The following FBXO11 variants were observed in gnomAD, a reference collection of about 807,000 sequenced individuals.
FBXO11 encodes the protein F-box only protein 11.
FBXO11 carries 13 observed loss-of-function variants against 117.0 expected under a neutral mutation model. The ratio of observed to expected loss-of-function variants is 0.11; its 90% confidence interval spans 0.07 to 0.18. FBXO11 has a LOEUF of 0.18. Among genes scored for constraint, FBXO11 ranks in the 10% least tolerant of loss-of-function variants. FBXO11 has a pLI of 1.00. For missense variants in FBXO11, 767 were observed against 1,164.4 expected (o/e 0.66, Z 4.97); for synonymous variants, 490 against 380.5 (o/e 1.29, Z -3.35).
At chr2:47,885,087 A>T (rs1048668938) in intron 1 of FBXO11, among the ~76,000 whole-genome samples, 4 of 152,192 alleles carry the variant, frequency 2.6e-5, no homozygotes, top group African/African-American at 9.7e-5. Flanking sequence ...ATAAATATTA[A>T]CTGGTAATTC....
At chr2:47,862,450 CTTTT>C (rs1423927759) in intron 1 of FBXO11, among the ~76,000 whole-genome samples, 1 of 152,060 alleles carries the variant, frequency 6.6e-6, no homozygotes, top group East Asian at 1.9e-4. Flanking sequence ...GTGAGGCAAA[CTTTT>C]TATTTTTTAT....
intron 1 of FBXO11, among the ~76,000 whole-genome samples, chr2:47,867,141 A>G (rs74578002): frequency 0.021 from 3,240 of 152,258 alleles, 48 homozygotes; most frequent in Non-Finnish European, 0.034. Context: ...TCCTCTCTTT[A>G]TTGGTACAGT....
intron 19 of FBXO11, 102 bp downstream of exon 19, chr2:47,810,214 T>A (rs1670521418): frequency 1.4e-6 from 1 of 732,876 alleles, no homozygotes; most frequent in Admixed American, 3.2e-5. Context: ...TTCAGCACAC[T>A]TTGCACATTT....
chr2:47,879,986 T>A (rs141792184), intron 1 of FBXO11, among the ~76,000 whole-genome samples: 1 of 152,044 alleles, frequency 6.6e-6, no homozygotes, highest in East Asian at 1.9e-4. Flanking sequence ...ATTTTCTTTA[T>A]CCATTCAGAG....
chr2:47,816,336 T>C (rs753643262), intron 16 of FBXO11, among the ~76,000 whole-genome samples: 14 of 152,070 alleles, frequency 9.2e-5, no homozygotes, highest in Non-Finnish European at 1.3e-4. Context: ...CATGCCACCA[T>C]GCCTAGCTAA....
At chr2:47,813,079 C>G (rs1174847096) in intron 18 of FBXO11, 155 bp downstream of exon 18, 1 of 777,956 alleles carries the variant, frequency 1.3e-6, no homozygotes, top group Admixed American at 2.0e-5. Context: ...TCTCTTAACT[C>G]TAGGCACTAA....
At chr2:47,844,714 G>A (rs1479872243) in intron 1 of FBXO11, among the ~76,000 whole-genome samples, 1 of 152,024 alleles carries the variant, frequency 6.6e-6, no homozygotes, top group Non-Finnish European at 1.5e-5. Context: ...TGCAGTGGTG[G>A]GATCTCGACT....
intron 1 of FBXO11, among the ~76,000 whole-genome samples, chr2:47,846,256 T>C (rs930117968): frequency 6.6e-6 from 1 of 152,074 alleles, no homozygotes; most frequent in Non-Finnish European, 1.5e-5. Context: ...TCATCTGAGG[T>C]TGGGAGTTCT....
chr2:47,879,125 T>C (rs911863370), intron 1 of FBXO11, among the ~76,000 whole-genome samples: 10 of 152,188 alleles, frequency 6.6e-5, no homozygotes, highest in Non-Finnish European at 1.5e-4. Flanking sequence ...CCCCAGAATT[T>C]TGCCTTTTTC....
chr2:47,824,771 C>T (rs1021403453), intron 11 of FBXO11, among the ~76,000 whole-genome samples: 6 of 152,062 alleles, frequency 3.9e-5, no homozygotes, highest in Non-Finnish European at 8.8e-5. Context: ...CTTTGAATTT[C>T]TTAAATTTCC....
chr2:47,860,913 C>A (rs939968083), intron 1 of FBXO11, among the ~76,000 whole-genome samples: 1 of 143,678 alleles, frequency 7.0e-6, no homozygotes, highest in African/African-American at 2.6e-5. Flanking sequence ...ATGGCGCAAT[C>A]TCGGCTCACT....
At chr2:47,875,950 T>C (rs1328695095) in intron 1 of FBXO11, among the ~76,000 whole-genome samples, 1 of 152,120 alleles carries the variant, frequency 6.6e-6, no homozygotes, top group East Asian at 1.9e-4. Flanking sequence ...ATGTATAGAG[T>C]AGTACTAATC....
chr2:47,871,509 T>C (rs1408558778), intron 1 of FBXO11, among the ~76,000 whole-genome samples: 1 of 152,216 alleles, frequency 6.6e-6, no homozygotes, highest in African/African-American at 2.4e-5. Context: ...TTCTGGTTTT[T>C]CTTCCCCTCA....
At position 47,845,402 on chromosome 2, in the gene FBXO11, C is replaced by T. The variant is rs560388990; in HGVS notation, c.233-5633G>A. 2.6e-5 allele frequency among the ~76,000 whole-genome samples: 4 copies of T among 152,286 alleles called. No individual in the cohort carries two copies. The East Asian group carries it at 5.8e-4, about 22-fold the overall frequency. ...TAAAATCACTGTTTTGAACTCTGCG[C>T]TGAAGAATATGTGCTAATTTCTACA... On this transcript the variant is annotated intron_variant, in intron 1 of 22. Transcript: ENST00000403359.
Position 47,906,155 on chromosome 2 carries a change from G to A in FBXO11, c.-435C>T. ...TCTCCGGCAGCGGGGGGAGTGGGCGGGCGGGTGAGGAAGGGAGAAAAAGAG... is the reference window on the plus strand; with the variant it reads ...TCTCCGGCAGCGGGGGGAGTGGGCGAGCGGGTGAGGAAGGGAGAAAAAGAG... On this transcript the variant is annotated 5_prime_UTR_variant, in exon 1 of 23. Transcript: ENST00000403359. 1 of 205,680 alleles carries A rather than the reference G, an allele frequency of 4.9e-6. No individual in the cohort carries two copies. Among genetic ancestry groups the A allele is most frequent in the Non-Finnish European group, 9.9e-6 (1 of 100,784 alleles). The allele number at this position is 205,680 out of a possible 1,614,324, so 12.7% of individuals were successfully genotyped here. A position where few individuals can be genotyped will look rare whatever the true frequency, so the allele number is the denominator to read the frequency against.
At position 47,835,401 on chromosome 2, in the gene FBXO11, T is replaced by C. The variant is rs181871952; in HGVS notation, c.717+471A>G. Among the ~76,000 whole-genome samples the C allele has an allele frequency of 8.7e-4, 133 of 152,358 alleles. 1 individual carries two copies. Among genetic ancestry groups the C allele is most frequent in the African/African-American group, 3.0e-3 (123 of 41,590 alleles). On this transcript the variant is annotated intron_variant, in intron 5 of 22. Transcript: ENST00000403359. ...ATCACAACTGCTCTTAGGCTACTAA[T>C]GCTTACTGTACTAACTTATTAATGG...
chr2:47,838,405 G>A (rs755660810), intron 4 of FBXO11, among the ~76,000 whole-genome samples: 33 of 147,710 alleles, frequency 2.2e-4, no homozygotes, highest in Non-Finnish European at 4.1e-4. Context: ...TGTACATAAA[G>A]CAAAAAAAAC....
intron 1 of FBXO11, among the ~76,000 whole-genome samples, chr2:47,886,339 C>T (rs1676844144): frequency 1.3e-5 from 2 of 151,908 alleles, no homozygotes; most frequent in African/African-American, 4.8e-5. Flanking sequence ...ACTCCCGTCT[C>T]TACTAAAAAT....
chr2:47,883,051 T>C (rs2103918127), intron 1 of FBXO11, among the ~76,000 whole-genome samples: 1 of 152,308 alleles, frequency 6.6e-6, no homozygotes, highest in South Asian at 2.1e-4. Context: ...TCCTGCTTTG[T>C]AATCTTCTCT....
Sources: allele counts gnomAD v4.1 joint callset (sites outside exome capture counted in the v4.1 genomes callset), GRCh38; gene constraint gnomAD v4.1.1; transcripts MANE v1.5; gene names NCBI Gene and HGNC (gene_info 2026-07-23, HGNC 2026-07-21).